The following ULK4 variants were observed in gnomAD, a reference collection of about 807,000 sequenced individuals.
ULK4 encodes the protein unc-51 like kinase 4, also known as inactive serine/threonine-protein kinase ULK4.
A neutral mutation model predicts 160.6 loss-of-function variants in ULK4; 133 were observed. The ratio of observed to expected loss-of-function variants is 0.83; its 90% CI spans 0.72 to 0.96. ULK4 has a LOEUF of 0.96. Ranked by LOEUF, ULK4 falls within the 40% of genes least tolerant of loss-of-function variation. The pLI is 0.00. For missense variants in ULK4, 1,580 were observed against 1,499.5 expected (o/e 1.05, Z -0.89); for synonymous variants, 534 against 539.8 (o/e 0.99, Z 0.15).
intron 34 of ULK4, among the ~76,000 whole-genome samples, chr3:41,445,901 G>A (rs1409178658): frequency 6.6e-6 from 1 of 151,986 alleles, no homozygotes; most frequent in Non-Finnish European, 1.5e-5. Context: ...AAGAGCTTCT[G>A]CACAGCAAAA....
At chr3:41,675,151 A>C (rs997510854) in intron 29 of ULK4, among the ~76,000 whole-genome samples, 1 of 151,944 alleles carries the variant, frequency 6.6e-6, no homozygotes, top group Non-Finnish European at 1.5e-5. Context: ...GAGGCAGGAG[A>C]ATCGCCTGAA....
chr3:41,380,813 T>C (rs1344204240), intron 35 of ULK4, among the ~76,000 whole-genome samples: 1 of 152,186 alleles, frequency 6.6e-6, no homozygotes, highest in South Asian at 2.1e-4. Flanking sequence ...CTGTGCCCTT[T>C]GGACAGAGTC....
In ULK4 at chr3:41,900,781, C is replaced by G. The variant is rs370815788; in HGVS notation, c.1231G>C (p.Glu411Gln). 2.5e-6 allele frequency: 4 copies of G among 1,613,538 alleles called. No individual in the cohort carries two copies. The highest frequency in any genetic ancestry group is 1.3e-5 in the African/African-American group (1 of 74,882). ...AGATCTGAGTCCGTGTAGATAAGCT[C>G]TCTCATCTGGGATTCCAGGTCCTGC... ...SQQDLESQMRELIYTDSDLVV... is the reference protein window; with the variant it reads ...SQQDLESQMRQLIYTDSDLVV... Residue 411 changes from glutamate (E) to glutamine (Q), a missense_variant, in exon 13 of 37, where the codon GAG becomes CAG. Coordinates refer to ENST00000301831, the MANE Select transcript of ULK4 (RefSeq NM_017886.4).
At chr3:41,836,732 A>C (rs1044519730) in intron 17 of ULK4, among the ~76,000 whole-genome samples, 2 of 152,196 alleles carry the variant, frequency 1.3e-5, no homozygotes, top group Non-Finnish European at 2.9e-5. Context: ...AGAGCCTGAG[A>C]ATGTTATACT....
chr3:41,716,368 A>T (rs2037269152), intron 23 of ULK4, among the ~76,000 whole-genome samples: 1 of 152,122 alleles, frequency 6.6e-6, no homozygotes, highest in African/African-American at 2.4e-5. Context: ...TCTAACAATA[A>T]ATAAAACTTG....
chr3:41,634,635 G>A (rs1424632217), intron 30 of ULK4, among the ~76,000 whole-genome samples: 1 of 152,326 alleles, frequency 6.6e-6, no homozygotes, highest in South Asian at 2.1e-4. Flanking sequence ...CCATTCTGCT[G>A]TGCAGGAGAG....
At chr3:41,383,089 CTTTTTTTTTTTCTTGTTTTTTTTT>C (rs2125796983) in intron 35 of ULK4, among the ~76,000 whole-genome samples, 1 of 141,984 alleles carries the variant, frequency 7.0e-6, no homozygotes, top group African/African-American at 2.6e-5. Flanking sequence ...TTTTCTTTTT[CTTTTTTTTTTTCTTGTTTTTTTTT>C]CTGACACAGA....
chr3:41,400,145 A>G (rs1181439567), intron 34 of ULK4, among the ~76,000 whole-genome samples: 1 of 152,188 alleles, frequency 6.6e-6, no homozygotes, highest in Non-Finnish European at 1.5e-5. Context: ...AGCATCTTGT[A>G]TAATAACTAT....
At chr3:41,572,405 A>G (rs6786586) in intron 31 of ULK4, among the ~76,000 whole-genome samples, 9,337 of 152,072 alleles carry the variant, frequency 0.061, 860 homozygotes, top group African/African-American at 0.2. Flanking sequence ...TCATTCCACA[A>G]TGTTCCCTGT....
chr3:41,684,519 T>C (rs1042292769), intron 27 of ULK4, among the ~76,000 whole-genome samples: 4 of 152,204 alleles, frequency 2.6e-5, no homozygotes, highest in Non-Finnish European at 5.9e-5. Context: ...CCGAGGCTCA[T>C]GTCAGGTAGC....
chr3:41,313,452 T>C (rs1297372278), intron 35 of ULK4, among the ~76,000 whole-genome samples: 1 of 152,224 alleles, frequency 6.6e-6, no homozygotes, highest in Non-Finnish European at 1.5e-5. Flanking sequence ...GTGGGACTAT[T>C]AACATTCTTA....
intron 34 of ULK4, among the ~76,000 whole-genome samples, chr3:41,446,082 C>A (rs2083290533): frequency 6.6e-6 from 1 of 152,162 alleles, no homozygotes. Context: ...ACAGACACTT[C>A]TCAAAAGAAG....
chr3:41,516,646 A>G (rs914473989), intron 32 of ULK4, among the ~76,000 whole-genome samples: 1 of 144,792 alleles, frequency 6.9e-6, no homozygotes. Context: ...AATTGAACTC[A>G]TGAACATACA....
intron 31 of ULK4, among the ~76,000 whole-genome samples, chr3:41,598,162 TC>T (rs2031817352): frequency 6.6e-6 from 1 of 152,114 alleles, no homozygotes; most frequent in Non-Finnish European, 1.5e-5. Flanking sequence ...CATGACCAGT[TC>T]CTCACTCCCT....
At chr3:41,883,354 T>G (rs1257369641) in intron 17 of ULK4, among the ~76,000 whole-genome samples, 1 of 152,228 alleles carries the variant, frequency 6.6e-6, no homozygotes, top group Non-Finnish European at 1.5e-5. Flanking sequence ...GAGCTCTTGC[T>G]GTTTCCCCTA....
chr3:41,784,717 C>T (rs1182970036), intron 21 of ULK4, among the ~76,000 whole-genome samples: 2 of 152,168 alleles, frequency 1.3e-5, no homozygotes, highest in African/African-American at 2.4e-5. Flanking sequence ...CATCTAAGGA[C>T]ACTGACACCC....
At chr3:41,548,638 C>A (rs1575396584) in intron 32 of ULK4, among the ~76,000 whole-genome samples, 1 of 152,114 alleles carries the variant, frequency 6.6e-6, no homozygotes, top group South Asian at 2.1e-4. Flanking sequence ...GCCATGTACA[C>A]TACCCAGAGG....
chr3:41,805,020 A>G (rs1400294648), intron 19 of ULK4, among the ~76,000 whole-genome samples: 1 of 152,182 alleles, frequency 6.6e-6, no homozygotes, highest in Non-Finnish European at 1.5e-5. Context: ...TTCTGTGAAG[A>G]AAGTCATTGG....
intron 23 of ULK4, among the ~76,000 whole-genome samples, chr3:41,717,250 CCAATA>C (rs912175096): frequency 1.3e-5 from 2 of 151,760 alleles, no homozygotes; most frequent in African/African-American, 4.8e-5. Flanking sequence ...TCTCATATAC[CCAATA>C]CATTTGTATA....
Sources: allele counts gnomAD v4.1 joint callset (sites outside exome capture counted in the v4.1 genomes callset), GRCh38; gene constraint gnomAD v4.1.1; transcripts MANE v1.5; gene names NCBI Gene and HGNC (gene_info 2026-07-23, HGNC 2026-07-21).